RPS8: variants seen among roughly 807,000 people sequenced by gnomAD.
The protein encoded by RPS8 is ribosomal protein S8, also known as small ribosomal subunit protein eS8.
For missense variants in RPS8, 141 were observed against 269.7 expected (o/e 0.52, Z 3.34); for synonymous variants, 100 against 100.7 (o/e 0.99, Z 0.04).
chr1:44,778,653 C>T lies in RPS8; in HGVS notation c.595C>T (p.Leu199Phe), dbSNP rs1061674. 6.2e-7 allele frequency: 1 copy of T among 1,612,890 alleles called. No homozygotes were observed. The highest frequency in any genetic ancestry group is 8.5e-7 in the Non-Finnish European group (1 of 1,179,808). ...VLEGKELEFYLRKIKARKGK is the reference protein window; with the variant it reads ...VLEGKELEFYFRKIKARKGK ...AGAGGGCAAAGAGTTGGAGTTCTAT[C>T]TTAGGAAAATCAAGGCCCGCAAAGG... Residue 199 changes from leucine (L) to phenylalanine (F), a missense_variant, in exon 6 of 6, where the codon CTT becomes TTT. Leu to Phe is a conservative substitution (Grantham distance 22, BLOSUM62 0). Transcript: ENST00000396651.
rs750781753 is a variant in RPS8 at position 44,777,756 on chromosome 1, G to A, written c.354G>A (p.Ala118=). The A allele has an allele frequency of 5.6e-6, 9 of 1,614,164 alleles. No individual in the cohort carries two copies. Among genetic ancestry groups the A allele is most frequent in the South Asian group, 4.4e-5 (4 of 91,080 alleles). ...PYRQWYESHY[A]LPLGRKKGAK... ...GACAGTGGTACGAGTCCCACTATGC[G>A]CTGCCCCTGGGCCGCAAGAAGGGAG... Residue 118 remains alanine (A), a synonymous_variant, in exon 4 of 6, where the codon GCG becomes GCA. Transcript: ENST00000396651.
In RPS8 at chr1:44,776,351, T is replaced by C; in HGVS notation, c.111+211T>C. 3 of 678,710 alleles carry C rather than the reference T, an allele frequency of 4.4e-6. No homozygotes were observed. In the South Asian group the frequency reaches 5.1e-5, roughly 12 times the overall value. The allele number at this position is 678,710 out of a possible 1,614,324, so 42.0% of individuals were successfully genotyped here. On this transcript the variant is annotated intron_variant, in intron 2 of 5. Transcript: ENST00000396651. ...AGGCCCCCAAACCTGGAGCTTAGGA[T>C]TTCAGAGAGAAGGATACTGTGTGGG...
At chr1:44,776,533 T>C (rs1205620860) in intron 2 of RPS8, 142 bp from the exon 3 acceptor site, 1 of 797,100 alleles carries the variant, frequency 1.3e-6, no homozygotes, top group Non-Finnish European at 2.3e-6. Flanking sequence ...GTTGTGGCCG[T>C]CTTGGTCACC....
At chr1:44,776,167 C>A in intron 2 of RPS8, 27 bp downstream of exon 2, 1 of 1,523,172 alleles carries the variant, frequency 6.6e-7, no homozygotes, top group Non-Finnish European at 8.9e-7. Flanking sequence ...GCCTGTCCGC[C>A]TGGGAGGTCG....
chr1:44,776,340 G>A, intron 2 of RPS8, 200 bp downstream of exon 2: 1 of 674,288 alleles, frequency 1.5e-6, no homozygotes, highest in Admixed American at 2.4e-5. Flanking sequence ...CCCCAAACCT[G>A]GAGCTTAGGA....
chr1:44,777,687 C>T lies in RPS8; in HGVS notation c.285C>T (p.Thr95=), dbSNP rs1650906611. ...ATAACGAGCTGGTTCGTACCAAGAC[C>T]CTGGTGAAGAATTGCATCGTGCTCA... ...ASNNELVRTK[T]LVKNCIVLID... Residue 95 remains threonine (T), a synonymous_variant, in exon 4 of 6, where the codon ACC becomes ACT. Coordinates refer to ENST00000396651, the MANE Select transcript of RPS8 (RefSeq NM_001012.2). 1.2e-6 allele frequency: 2 copies of T among 1,613,804 alleles called. No individual in the cohort carries two copies. The highest frequency in any genetic ancestry group is 3.3e-5 in the Admixed American group (2 of 59,990).
chr1:44,776,542 C>G, intron 2 of RPS8, 133 bp from the exon 3 acceptor site: 1 of 816,762 alleles, frequency 1.2e-6, no homozygotes, highest in Non-Finnish European at 2.2e-6. Context: ...GTCTTGGTCA[C>G]CTGTGTGCCA....
chr1:44,778,137 G>C lies in RPS8; in HGVS notation c.517+8G>C. 6.3e-7 allele frequency: 1 copy of C among 1,591,392 alleles called. No individual in the cohort carries two copies. Among genetic ancestry groups the C allele is most frequent in the Non-Finnish European group, 8.6e-7 (1 of 1,168,710 alleles). ...AGCAGGGCAAGCTTCTTGGTGAGAAGGCTGTTGTGTTGGAGGTGGGGAGTC... is the reference window on the plus strand; with the variant it reads ...AGCAGGGCAAGCTTCTTGGTGAGAACGCTGTTGTGTTGGAGGTGGGGAGTC... On this transcript the variant is annotated splice_region_variant and intron_variant, in intron 5 of 5. Transcript: ENST00000396651.
rs368998223 is a variant in RPS8 at position 44,776,770 on chromosome 1, A to C, written c.207A>C (p.Ser69=). 77 of 1,606,324 alleles carry C rather than the reference A, an allele frequency of 4.8e-5. No individual in the cohort carries two copies. The highest frequency in any genetic ancestry group is 6.2e-5 in the Non-Finnish European group (73 of 1,176,502). Residue 69 remains serine, a synonymous_variant, in exon 3 of 6, where the codon TCA becomes TCC. Transcript: ENST00000396651. ...ACGTGGGGAATTTCTCCTGGGGCTC[A>C]GAGTGTGAGTGAGGCCCTTTGGGAG... The part of the protein sequence containing the change: ...RLDVGNFSWG[S]ECCTRKTRII...
chr1:44,777,977 A>G, intron 4 of RPS8, 23 bp from the exon 5 acceptor site: 2 of 1,613,460 alleles, frequency 1.2e-6, no homozygotes, highest in Non-Finnish European at 1.7e-6. Context: ...CCCTGAGCTC[A>G]TATATTTGTA....
intron 2 of RPS8, 47 bp from the exon 3 acceptor site, chr1:44,776,628 C>G (rs184816863): frequency 6.5e-7 from 1 of 1,541,114 alleles, no homozygotes; most frequent in African/African-American, 1.4e-5. Context: ...CCCTCACTTG[C>G]CTTGCTCTCC....
At position 44,778,598 on chromosome 1, in the gene RPS8, A is replaced by G; in HGVS notation, c.540A>G (p.Gly180=). 6.2e-7 allele frequency: 1 copy of G among 1,613,984 alleles called. No individual in the cohort carries two copies. The highest frequency in any genetic ancestry group is 1.1e-5 in the South Asian group (1 of 91,076). ...KLLACIASRP[G]QCGRADGYVL... ...CAGCGTGCATCGCTTCAAGGCCGGG[A>G]CAGTGTGGCCGAGCAGATGGCTATG... Residue 180 remains glycine, a synonymous_variant, in exon 6 of 6, where the codon GGA becomes GGG. Transcript: ENST00000396651.
intron 5 of RPS8, 80 bp from the exon 6 acceptor site, chr1:44,778,496 C>T (rs1442725284): frequency 1.7e-6 from 2 of 1,170,574 alleles, no homozygotes; most frequent in South Asian, 1.2e-5. Context: ...TACCTGAACC[C>T]ACAGAGATTC....
chr1:44,778,377 G>T, intron 5 of RPS8, 199 bp from the exon 6 acceptor site: 1 of 787,822 alleles, frequency 1.3e-6, no homozygotes, highest in Non-Finnish European at 2.3e-6. Flanking sequence ...CTCTGCCCAG[G>T]CTGAGGGGGC....
chr1:44,775,861 G>C lies in RPS8; in HGVS notation c.5-173G>C, dbSNP rs374488784. ...GCGAGGAGGAGGCCCCGGCCTGGCC[G>C]CACGTGTATGATGACAACTCGGTAA... On this transcript the variant is annotated intron_variant, in intron 1 of 5. Coordinates refer to ENST00000396651, the MANE Select transcript of RPS8 (RefSeq NM_001012.2). 175 of 818,024 alleles carry C rather than the reference G, an allele frequency of 2.1e-4. No homozygotes were observed. In the African/African-American group the frequency reaches 2.7e-3, roughly 13 times the overall value. 50.7% of individuals were successfully genotyped at this position (818,024 alleles called of 1,614,324 possible). A position where few individuals can be genotyped will look rare whatever the true frequency, so the allele number is the denominator to read the frequency against.
chr1:44,777,302 T>A, intron 3 of RPS8: 1 of 290,766 alleles, frequency 3.4e-6, no homozygotes. Context: ...AATTCTTGGC[T>A]TTAAGTGATC....
chr1:44,777,874 A>G lies in RPS8; in HGVS notation c.387+85A>G, dbSNP rs76870991. On this transcript the variant is annotated intron_variant, in intron 4 of 5. Transcript: ENST00000396651. ...GATGAAAACTCTGTCCAGTTCTGCT[A>G]CTGAAGGGAGAGAGATGAGAGCCTT... 2,008 of 1,577,904 alleles carry G rather than the reference A, an allele frequency of 1.3e-3. 21 individuals are homozygous for G. The African/African-American group carries it at 0.022, about 17-fold the overall frequency.
chr1:44,775,910 G>A (rs775987724), intron 1 of RPS8, 124 bp from the exon 2 acceptor site: 70 of 939,194 alleles, frequency 7.5e-5, no homozygotes, highest in Admixed American at 2.4e-4. Flanking sequence ...CGAGTGCGCG[G>A]TGGGGAAGCC....
Position 44,778,673 on chromosome 1 carries a change from C to G in RPS8, c.615C>G (p.Arg205=), listed in dbSNP as rs924996558. 6.2e-7 allele frequency: 1 copy of G among 1,608,390 alleles called. No individual in the cohort carries two copies. Among genetic ancestry groups the G allele is most frequent in the Non-Finnish European group, 8.5e-7 (1 of 1,177,120 alleles). Residue 205 remains arginine, a synonymous_variant, in exon 6 of 6, where the codon CGC becomes CGG. Transcript: ENST00000396651. The part of the protein sequence containing the change: ...LEFYLRKIKA[R]KGK ...TCTATCTTAGGAAAATCAAGGCCCG[C>G]AAAGGCAAATAAATCCTTGTTTTGT...
Sources: allele counts gnomAD v4.1 joint callset, GRCh38; gene constraint gnomAD v4.1.1; transcripts MANE v1.5; gene names NCBI Gene and HGNC (gene_info 2026-07-23, HGNC 2026-07-21).